The following MEOX2 variants were observed in gnomAD, a reference collection of about 807,000 sequenced individuals.
MEOX2 encodes the protein mesenchyme homeobox 2, also known as homeobox protein MOX-2.
Under a neutral mutation model 27.0 loss-of-function variants are expected in MEOX2, and 11 were observed. That is an observed-to-expected ratio of 0.41 (90% CI 0.26 to 0.68). The LOEUF is 0.68. MEOX2 is among the 30% of genes least tolerant of loss of function. MEOX2 has a pLI of 0.33. For synonymous variants in MEOX2, 189 were observed against 155.4 expected, an observed-to-expected ratio of 1.22 and a Z score of -1.61; for missense variants, 436 against 385.4, an observed-to-expected ratio of 1.13 and a Z score of -1.10.
intron 1 of MEOX2, among the ~76,000 whole-genome samples, chr7:15,654,383 T>C (rs917730245): frequency 7.9e-5 from 12 of 151,836 alleles, no homozygotes; most frequent in African/African-American, 2.9e-4. Context: ...TTTCTTCCTT[T>C]CTGATCTGTA....
chr7:15,625,140 A>T (rs997582965), intron 2 of MEOX2, among the ~76,000 whole-genome samples: 3 of 152,198 alleles, frequency 2.0e-5, no homozygotes, highest in African/African-American at 7.2e-5. Context: ...TAGTTCCTTC[A>T]TCTACTATAT....
chr7:15,685,412 T>A (rs1247179824), intron 1 of MEOX2, among the ~76,000 whole-genome samples: 2 of 151,904 alleles, frequency 1.3e-5, no homozygotes, highest in Non-Finnish European at 2.9e-5. Context: ...CATTGCAAGT[T>A]CCAAACATTG....
At chr7:15,658,450 C>A (rs1201941994) in intron 1 of MEOX2, among the ~76,000 whole-genome samples, 1 of 152,126 alleles carries the variant, frequency 6.6e-6, no homozygotes, top group Non-Finnish European at 1.5e-5. Context: ...CTAAAAACAG[C>A]AAACATCTGT....
At chr7:15,680,649 T>C (rs1782278542) in intron 1 of MEOX2, 1 of 151,898 alleles carries the variant, frequency 6.6e-6, no homozygotes, top group African/African-American at 2.4e-5. Flanking sequence ...CTAAGGAAAG[T>C]AGGCAAAATG....
chr7:15,633,563 T>G (rs1171420849), intron 1 of MEOX2, among the ~76,000 whole-genome samples: 1 of 151,892 alleles, frequency 6.6e-6, no homozygotes, highest in Non-Finnish European at 1.5e-5. Context: ...GTAAAACCCT[T>G]GGACATGCAA....
At chr7:15,645,065 T>C (rs1282240013) in intron 1 of MEOX2, among the ~76,000 whole-genome samples, 1 of 152,092 alleles carries the variant, frequency 6.6e-6, no homozygotes, top group East Asian at 1.9e-4. Context: ...AGAAAGAAGA[T>C]TAAGGTAAGG....
intron 1 of MEOX2, among the ~76,000 whole-genome samples, chr7:15,629,829 G>A (rs979097800): frequency 6.6e-6 from 1 of 151,954 alleles, no homozygotes; most frequent in Non-Finnish European, 1.5e-5. Flanking sequence ...GGCCTCTACT[G>A]CCATTACCCA....
At chr7:15,661,012 CAAAAAAAAAAAAA>C (rs71004402) in intron 1 of MEOX2, among the ~76,000 whole-genome samples, 10 of 44,334 alleles carry the variant, frequency 2.3e-4, no homozygotes, top group Admixed American at 1.2e-3. Context: ...GACTCAGTCT[CAAAAAAAAAAAAA>C]AAAAAAAAAA....
chr7:15,628,137 A>G (rs947672234), intron 1 of MEOX2, among the ~76,000 whole-genome samples: 3 of 151,990 alleles, frequency 2.0e-5, no homozygotes, highest in Non-Finnish European at 2.9e-5. Flanking sequence ...CTTATGCAGG[A>G]TCTTTTTAGA....
intron 1 of MEOX2, chr7:15,678,874 A>G (rs1782247802): frequency 6.6e-6 from 1 of 152,142 alleles, no homozygotes; most frequent in Non-Finnish European, 1.5e-5. Context: ...TCTTGCCCAC[A>G]GTCACGTAAG....
intron 1 of MEOX2, among the ~76,000 whole-genome samples, chr7:15,659,928 G>C (rs899184087): frequency 1.3e-5 from 2 of 152,064 alleles, no homozygotes; most frequent in Non-Finnish European, 2.9e-5. Context: ...TAAGCACACA[G>C]AACTACAGAC....
At chr7:15,637,098 T>G (rs1448028970) in intron 1 of MEOX2, among the ~76,000 whole-genome samples, 1 of 152,122 alleles carries the variant, frequency 6.6e-6, no homozygotes, top group Non-Finnish European at 1.5e-5. Flanking sequence ...TAAATTATAC[T>G]AGGAAAATAA....
chr7:15,682,084 T>C (rs766395077), intron 1 of MEOX2: 13 of 151,852 alleles, frequency 8.6e-5, no homozygotes, highest in Non-Finnish European at 1.8e-4. Flanking sequence ...TTACCATTTT[T>C]AAATGTTCAC....
intron 1 of MEOX2, among the ~76,000 whole-genome samples, chr7:15,658,581 C>G (rs568188432): frequency 6.6e-6 from 1 of 152,092 alleles, no homozygotes; most frequent in Non-Finnish European, 1.5e-5. Flanking sequence ...CTGTTATGGA[C>G]CAAAAGTTTG....
At chr7:15,649,131 C>G (rs955635879) in intron 1 of MEOX2, among the ~76,000 whole-genome samples, 1 of 152,048 alleles carries the variant, frequency 6.6e-6, no homozygotes, top group African/African-American at 2.4e-5. Flanking sequence ...ATATGCTGAT[C>G]TTTTCTATAA....
intron 1 of MEOX2, among the ~76,000 whole-genome samples, chr7:15,660,528 G>A (rs1781895499): frequency 6.6e-6 from 1 of 152,044 alleles, no homozygotes. Flanking sequence ...AGCAGCTTCT[G>A]TGGTCCCTAA....
Position 15,639,502 on chromosome 7 carries a change from T to C in MEOX2, c.518-12584A>G, listed in dbSNP as rs140738765. Among the ~76,000 whole-genome samples, 819 of 152,210 alleles carry C rather than the reference T, an allele frequency of 5.4e-3. 6 individuals are homozygous for C. The highest frequency in any genetic ancestry group is 0.018 in the African/African-American group (754 of 41,570). ...GTTTAATAAGTCCCATTTGTCTGCTTTTGTTTTTGGTGCATTTTCTTTTGA... is the reference window on the plus strand; with the variant it reads ...GTTTAATAAGTCCCATTTGTCTGCTCTTGTTTTTGGTGCATTTTCTTTTGA... On this transcript the variant is annotated intron_variant, in intron 1 of 2. Transcript: ENST00000262041.
intron 1 of MEOX2, among the ~76,000 whole-genome samples, chr7:15,659,430 G>A (rs774425701): frequency 1.3e-5 from 2 of 152,078 alleles, no homozygotes; most frequent in South Asian, 4.1e-4. Flanking sequence ...ATGTGTCAAA[G>A]TATCTGTAAT....
chr7:15,666,612 C>T (rs766542830), intron 1 of MEOX2, among the ~76,000 whole-genome samples: 7 of 150,990 alleles, frequency 4.6e-5, no homozygotes, highest in South Asian at 2.1e-4. Flanking sequence ...ATTAGCCGGG[C>T]GTTGTGGTAT....
Sources: allele counts gnomAD v4.1 joint callset (sites outside exome capture counted in the v4.1 genomes callset), GRCh38; gene constraint gnomAD v4.1.1; transcripts MANE v1.5; gene names NCBI Gene and HGNC (gene_info 2026-07-23, HGNC 2026-07-21).